MED12L: variants seen among roughly 807,000 people sequenced by gnomAD.
MED12L encodes the protein mediator of RNA polymerase II transcription subunit 12-like protein.
In MED12L, 60 loss-of-function variants were observed where a neutral mutation model predicts 281.3. That is an observed-to-expected ratio of 0.21 (90% CI 0.17 to 0.26). The LOEUF (loss-of-function observed/expected upper bound fraction) is 0.26. Among genes scored for constraint, MED12L ranks in the 10% least tolerant of loss-of-function variants. MED12L has a pLI of 1.00. For synonymous variants in MED12L, 974 were observed against 987.2 expected, an observed-to-expected ratio of 0.99 and a Z score of 0.25; for missense variants, 2,146 against 2,680.9, an observed-to-expected ratio of 0.80 and a Z score of 4.41.
intron 26 of MED12L, among the ~76,000 whole-genome samples, chr3:151,371,475 A>G (rs79367820): frequency 1.3e-5 from 2 of 152,220 alleles, no homozygotes; most frequent in African/African-American, 2.4e-5. Flanking sequence ...TGAGAAACAT[A>G]TGATTATATA....
chr3:151,171,426 C>T (rs1191445975), intron 11 of MED12L, among the ~76,000 whole-genome samples: 1 of 152,110 alleles, frequency 6.6e-6, no homozygotes, highest in Non-Finnish European at 1.5e-5. Flanking sequence ...CTAAAGGTGG[C>T]AGGAAGAGCT....
intron 4 of MED12L, among the ~76,000 whole-genome samples, chr3:151,124,572 C>T (rs1306582870): frequency 1.3e-5 from 2 of 152,104 alleles, no homozygotes; most frequent in Non-Finnish European, 2.9e-5. Context: ...AGTTCAAATA[C>T]TTCTTTAATT....
chr3:151,367,528 C>A, intron 23 of MED12L, 118 bp from the exon 24 acceptor site: 2 of 839,288 alleles, frequency 2.4e-6, no homozygotes, highest in Non-Finnish European at 3.6e-6. Flanking sequence ...TTTCCCTCTG[C>A]TGGTTCATGT....
chr3:151,343,946 A>G (rs1752220551), intron 16 of MED12L, among the ~76,000 whole-genome samples: 1 of 152,112 alleles, frequency 6.6e-6, no homozygotes, highest in Non-Finnish European at 1.5e-5. Context: ...GGTCATTTTG[A>G]CATTAATATT....
intron 16 of MED12L, chr3:151,328,934 C>T (rs1200037078): frequency 7.4e-6 from 12 of 1,613,706 alleles, no homozygotes; most frequent in Admixed American, 1.7e-5. Context: ...CTGTACTATC[C>T]GAGTGTCTCT....
intron 16 of MED12L, among the ~76,000 whole-genome samples, chr3:151,281,761 C>G (rs1029554117): frequency 6.6e-6 from 1 of 152,180 alleles, no homozygotes; most frequent in Non-Finnish European, 1.5e-5. Flanking sequence ...TAGCCCACCC[C>G]ACGTGCTCAC....
At chr3:151,212,956 GATTAT>G in intron 16 of MED12L, 1 of 156,034 alleles carries the variant, frequency 6.4e-6, no homozygotes, top group Admixed American at 6.5e-5. Flanking sequence ...AGTTGTCTTT[GATTAT>G]GTTGTGTTTT....
At chr3:151,261,192 T>A (rs971840341) in intron 16 of MED12L, among the ~76,000 whole-genome samples, 4 of 152,050 alleles carry the variant, frequency 2.6e-5, no homozygotes, top group Non-Finnish European at 5.9e-5. Context: ...GAAATGCCCA[T>A]GAATGAGACA....
At chr3:151,294,970 C>G in intron 16 of MED12L, 2 of 1,614,006 alleles carry the variant, frequency 1.2e-6, no homozygotes, top group Non-Finnish European at 1.7e-6. Context: ...ATGGAAATGT[C>G]AGCGTCATTA....
intron 2 of MED12L, among the ~76,000 whole-genome samples, chr3:151,087,297 G>C (rs1719383611): frequency 6.6e-6 from 1 of 152,212 alleles, no homozygotes; most frequent in Non-Finnish European, 1.5e-5. Context: ...GGCGCTTCTC[G>C]GGCTTCTTCC....
chr3:151,086,110 C>G (rs1719137158), intron 1 of MED12L, among the ~76,000 whole-genome samples, 174 bp downstream of exon 1: 1 of 152,192 alleles, frequency 6.6e-6, no homozygotes, highest in African/African-American at 2.4e-5. Context: ...TAAGTCGGCC[C>G]CACGCCACCG....
intron 16 of MED12L, among the ~76,000 whole-genome samples, chr3:151,238,746 T>G (rs534655230): frequency 6.6e-6 from 1 of 152,342 alleles, no homozygotes; most frequent in East Asian, 1.9e-4. Flanking sequence ...TACTAGTTTT[T>G]ATTAAATCTC....
At chr3:151,213,991 A>T (rs763332985) in intron 16 of MED12L, 1 of 1,614,064 alleles carries the variant, frequency 6.2e-7, no homozygotes, top group Admixed American at 1.7e-5. Context: ...AAAGAACACA[A>T]TGCTGACGTA....
intron 12 of MED12L, among the ~76,000 whole-genome samples, chr3:151,185,952 T>C (rs928287113): frequency 6.6e-6 from 1 of 151,000 alleles, no homozygotes; most frequent in African/African-American, 2.5e-5. Flanking sequence ...TACACACACA[T>C]GTGCAATATA....
intron 43 of MED12L, among the ~76,000 whole-genome samples, chr3:151,418,322 A>G (rs909659154): frequency 6.6e-5 from 10 of 152,166 alleles, no homozygotes; most frequent in African/African-American, 9.7e-5. Flanking sequence ...TTTATAACCT[A>G]TAACTCTTTT....
At position 151,268,988 on chromosome 3, in the gene MED12L, G is replaced by A. The variant is rs548598001; in HGVS notation, c.2250+75322G>A. 2.6e-5 allele frequency among the ~76,000 whole-genome samples: 4 copies of A among 152,318 alleles called. No individual in the cohort carries two copies. The South Asian group carries it at 8.3e-4, about 32-fold the overall frequency. On this transcript the variant is annotated intron_variant, in intron 16 of 44. Transcript: ENST00000687756. ...GTGGTCTGGTTCTTGAACTTTCCTAGCGGTGTGACCCCCAAAACCAAGACT... is the reference window on the plus strand; with the variant it reads ...GTGGTCTGGTTCTTGAACTTTCCTAACGGTGTGACCCCCAAAACCAAGACT...
At chr3:151,236,400 A>G (rs1380039668) in intron 16 of MED12L, among the ~76,000 whole-genome samples, 1 of 152,234 alleles carries the variant, frequency 6.6e-6, no homozygotes, top group East Asian at 1.9e-4. Flanking sequence ...TTGATTCAGG[A>G]AGCATTCTTG....
At chr3:151,253,824 G>C (rs1737291052) in intron 16 of MED12L, among the ~76,000 whole-genome samples, 1 of 152,024 alleles carries the variant, frequency 6.6e-6, no homozygotes, top group African/African-American at 2.4e-5. Context: ...TCCTTTTGCT[G>C]AGAGCAATCC....
In MED12L at chr3:151,311,926, A is replaced by T. The variant is rs113521543; in HGVS notation, c.2251-38133A>T. On this transcript the variant is annotated intron_variant, in intron 16 of 44. Transcript: ENST00000687756. Reference sequence around the variant, plus strand: ...TGTATTTCCAGCTACTCAGGAGCTGAGGCAGGAGAATTGTTCGAACCTGGG... The same window carrying T: ...TGTATTTCCAGCTACTCAGGAGCTGTGGCAGGAGAATTGTTCGAACCTGGG... 6.8e-3 allele frequency among the ~76,000 whole-genome samples: 1,032 copies of T among 152,270 alleles called. 10 individuals are homozygous for T. The highest frequency in any genetic ancestry group is 0.024 in the South Asian group (115 of 4,818).
Sources: gnomAD v4.1 joint callset for allele counts (sites outside exome capture counted in the v4.1 genomes callset) on GRCh38, gnomAD v4.1.1 for gene constraint, MANE v1.5 for transcripts, NCBI Gene and HGNC (gene_info 2026-07-23, HGNC 2026-07-21) for gene names.